The following LRRC8D variants were observed in gnomAD, a reference collection of about 807,000 sequenced individuals.
LRRC8D encodes leucine rich repeat containing 8 VRAC subunit D, also known as volume-regulated anion channel subunit LRRC8D.
Under a neutral mutation model 55.8 loss-of-function variants are expected in LRRC8D, and 20 were observed. That is an observed-to-expected ratio of 0.36 (90% CI 0.25 to 0.52). LRRC8D has a LOEUF of 0.52. Among genes scored for constraint, LRRC8D ranks in the 20% least tolerant of loss-of-function variants. The pLI, the probability that LRRC8D is intolerant of heterozygous loss-of-function variation, is 0.93. For synonymous variants in LRRC8D, 352 were observed against 377.0 expected, an observed-to-expected ratio of 0.93 and a Z score of 0.77; for missense variants, 651 against 1,030.8, an observed-to-expected ratio of 0.63 and a Z score of 5.05.
chr1:89,851,305 C>T (rs1458123716), intron 2 of LRRC8D, among the ~76,000 whole-genome samples: 1 of 152,122 alleles, frequency 6.6e-6, no homozygotes, highest in Non-Finnish European at 1.5e-5. Flanking sequence ...CTCTTAATTA[C>T]AGATGTCTCT....
intron 1 of LRRC8D, among the ~76,000 whole-genome samples, chr1:89,829,389 G>A (rs1016425660): frequency 3.3e-5 from 5 of 152,202 alleles, no homozygotes; most frequent in African/African-American, 1.2e-4. Flanking sequence ...AGGTCATAAG[G>A]CTGGAAAGGT....
chr1:89,852,297 A>G (rs1174602739), intron 2 of LRRC8D, among the ~76,000 whole-genome samples: 1 of 152,220 alleles, frequency 6.6e-6, no homozygotes, highest in Non-Finnish European at 1.5e-5. Flanking sequence ...GGACTTTATC[A>G]GTATGGAAGT....
chr1:89,884,751 C>T (rs1247543842), intron 2 of LRRC8D, among the ~76,000 whole-genome samples: 1 of 152,202 alleles, frequency 6.6e-6, no homozygotes, highest in African/African-American at 2.4e-5. Flanking sequence ...GTTTATAAAA[C>T]TCAGATACGC....
At chr1:89,898,102 C>G (rs1294197624) in intron 2 of LRRC8D, among the ~76,000 whole-genome samples, 1 of 152,164 alleles carries the variant, frequency 6.6e-6, no homozygotes, top group Non-Finnish European at 1.5e-5. Context: ...GCAGCCGATA[C>G]TGAGAGGAAA....
chr1:89,830,058 TA>T (rs1206116288), intron 1 of LRRC8D, among the ~76,000 whole-genome samples: 1 of 152,142 alleles, frequency 6.6e-6, no homozygotes, highest in African/African-American at 2.4e-5. Context: ...ATATTCAATA[TA>T]AAAAAACTAT....
rs1663805581 is a variant in LRRC8D at position 89,935,119 on chromosome 1, G to A, written c.2051G>A (p.Arg684Gln). 22 of 1,614,132 alleles carry A rather than the reference G, an allele frequency of 1.4e-5. No individual in the cohort carries two copies. The highest frequency in any genetic ancestry group is 1.8e-5 in the Non-Finnish European group (21 of 1,180,026). The change falls in exon 3 of 3, where the codon CGA (arginine) becomes CAA (glutamine). Residue 684 changes from arginine to glutamine, a missense_variant. Coordinates refer to ENST00000337338, the MANE Select transcript of LRRC8D (RefSeq NM_001134479.2). ...EEIISFQHLK[R>Q]LTCLKLWHNK... ...ATCATCAGTTTCCAGCATTTAAAAC[G>A]ACTGACTTGTTTAAAATTATGGCAT...
At chr1:89,826,024 A>C (rs1660753214) in intron 1 of LRRC8D, among the ~76,000 whole-genome samples, 1 of 152,162 alleles carries the variant, frequency 6.6e-6, no homozygotes, top group Non-Finnish European at 1.5e-5. Flanking sequence ...TCCCTTCTTT[A>C]CCAGTCCACG....
At chr1:89,929,867 T>G (rs1209986220) in intron 2 of LRRC8D, 1 of 152,274 alleles carries the variant, frequency 6.6e-6, no homozygotes, top group African/African-American at 2.4e-5. Flanking sequence ...GAACTGGGCT[T>G]CACGGCAGTA....
chr1:89,849,612 C>T (rs1276550815), intron 2 of LRRC8D, among the ~76,000 whole-genome samples: 1 of 151,780 alleles, frequency 6.6e-6, no homozygotes, highest in Admixed American at 6.6e-5. Flanking sequence ...TTTCTGATTG[C>T]TAGTGAGGCT....
rs187244675 is a variant in LRRC8D at position 89,933,704 on chromosome 1, G to C, written c.636G>C (p.Ala212=). Residue 212 remains alanine, a synonymous_variant, in exon 3 of 3, where the codon GCG becomes GCC. Coordinates refer to ENST00000337338, the MANE Select transcript of LRRC8D (RefSeq NM_001134479.2). This position sits in a 1 kb window ranked among gnomAD's most constrained non-coding sequence, Gnocchi z 7.0. The part of the protein sequence containing the change: ...KCFESPWTTK[A]LSETACEDSE... ...TTGAATCCCCTTGGACGACAAAAGC[G>C]TTGTCTGAGACAGCATGCGAAGACT... The C allele has an allele frequency of 6.2e-7, 1 of 1,614,102 alleles. No individual in the cohort carries two copies.
chr1:89,823,920 T>C (rs1660702425), intron 1 of LRRC8D, among the ~76,000 whole-genome samples: 1 of 152,116 alleles, frequency 6.6e-6, no homozygotes, highest in African/African-American at 2.4e-5. Flanking sequence ...AATATACGAC[T>C]AATAAAGGAG....
At chr1:89,848,471 T>C (rs940833409) in intron 2 of LRRC8D, among the ~76,000 whole-genome samples, 2 of 152,154 alleles carry the variant, frequency 1.3e-5, no homozygotes, top group Non-Finnish European at 2.9e-5. Flanking sequence ...TCTCTCTGAT[T>C]TCTGTGTGTG....
intron 1 of LRRC8D, among the ~76,000 whole-genome samples, chr1:89,838,032 C>T (rs1432649601): frequency 6.6e-6 from 1 of 151,980 alleles, no homozygotes; most frequent in Non-Finnish European, 1.5e-5. Context: ...AACCCTTTTA[C>T]ATTGTTGGGC....
chr1:89,914,512 A>G (rs868567385), intron 2 of LRRC8D, among the ~76,000 whole-genome samples: 4 of 108,370 alleles, frequency 3.7e-5, no homozygotes, highest in Non-Finnish European at 6.1e-5. Flanking sequence ...GCCAGCACAC[A>G]ATGTGACTAC....
intron 2 of LRRC8D, among the ~76,000 whole-genome samples, chr1:89,921,357 G>A (rs916708718): frequency 1.3e-5 from 2 of 152,102 alleles, no homozygotes; most frequent in Admixed American, 1.3e-4. Context: ...CAACAAAAAA[G>A]AAAAACTAAG....
intron 1 of LRRC8D, among the ~76,000 whole-genome samples, chr1:89,841,568 A>T (rs952309732): frequency 2.0e-5 from 3 of 152,232 alleles, no homozygotes; most frequent in Non-Finnish European, 4.4e-5. Flanking sequence ...GTTTTTGTGA[A>T]CATCATTTGC....
chr1:89,893,658 A>G (rs2816863), intron 2 of LRRC8D, among the ~76,000 whole-genome samples: 6,021 of 152,252 alleles, frequency 0.04, 395 homozygotes, highest in African/African-American at 0.14. Context: ...TATTGTTCTG[A>G]ATGCTTTAAT....
intron 2 of LRRC8D, among the ~76,000 whole-genome samples, chr1:89,873,395 A>G (rs1269286889): frequency 1.3e-5 from 2 of 152,216 alleles, no homozygotes; most frequent in Admixed American, 1.3e-4. Context: ...ATACTAGAAC[A>G]TTTTGATAAG....
chr1:89,838,003 A>AT (rs1661039300), intron 1 of LRRC8D, among the ~76,000 whole-genome samples: 1 of 152,128 alleles, frequency 6.6e-6, no homozygotes, highest in South Asian at 2.1e-4. Context: ...CATTATATTT[A>AT]TTTGACTTTT....
Sources: gnomAD v4.1 joint callset for allele counts (sites outside exome capture counted in the v4.1 genomes callset) on GRCh38, gnomAD v4.1.1 for gene constraint, Gnocchi (gnomAD v3.1) non-coding constraint, MANE v1.5 for transcripts, NCBI Gene and HGNC (gene_info 2026-07-23, HGNC 2026-07-21) for gene names.